The following ARSG variants were observed in gnomAD, a reference collection of about 807,000 sequenced individuals.
ARSG encodes the protein arylsulfatase G, also known as ASG.
In ARSG, 37 loss-of-function variants were observed where a neutral mutation model predicts 50.5. The observed-to-expected ratio is 0.73, with a 90% CI of 0.56 to 0.96. ARSG has a LOEUF of 0.96. ARSG is among the 50% of genes least tolerant of loss of function. The pLI, the probability that ARSG is intolerant of heterozygous loss-of-function variation, is 0.00. For synonymous variants in ARSG, 225 were observed against 254.6 expected, an observed-to-expected ratio of 0.88 and a Z score of 1.11; for missense variants, 629 against 675.3, an observed-to-expected ratio of 0.93 and a Z score of 0.76.
intron 11 of ARSG, among the ~76,000 whole-genome samples, chr17:68,410,545 T>C (rs1400662270): frequency 6.6e-6 from 1 of 151,734 alleles, no homozygotes; most frequent in Non-Finnish European, 1.5e-5. Flanking sequence ...TTGAGGATTT[T>C]TGCATCAATG....
At chr17:68,375,738 G>A (rs568792504) in intron 8 of ARSG, among the ~76,000 whole-genome samples, 3 of 152,102 alleles carry the variant, frequency 2.0e-5, no homozygotes, top group African/African-American at 4.8e-5. Flanking sequence ...GGCTCTGGGC[G>A]AGGGCAGCAG....
At chr17:68,435,704 G>A in the ARSG span, 1 of 1,614,216 alleles carries the variant, frequency 6.2e-7, no homozygotes, top group Non-Finnish European at 8.5e-7. Flanking sequence ...CAATAGTGCA[G>A]ACTGTTTTCT....
At chr17:68,445,774 T>A in the ARSG span, among the ~76,000 whole-genome samples, 84 of 152,294 alleles carry the variant, frequency 5.5e-4, 2 homozygotes, top group African/African-American at 2.0e-3. Context: ...CAGGAAGGCA[T>A]TTCTGGTTGG....
the ARSG span, among the ~76,000 whole-genome samples, chr17:68,438,875 C>T: frequency 1.3e-4 from 20 of 152,248 alleles, no homozygotes; most frequent in Admixed American, 5.9e-4. Flanking sequence ...GCTGGGATTA[C>T]AGGCGTGAGC....
chr17:68,336,295 C>T (rs980816466), intron 2 of ARSG, among the ~76,000 whole-genome samples: 2 of 149,930 alleles, frequency 1.3e-5, no homozygotes, highest in African/African-American at 2.5e-5. Flanking sequence ...CTGCAACCTC[C>T]TTCTCCCAGA....
chr17:68,306,636 G>A (rs2076620265), intron 1 of ARSG, among the ~76,000 whole-genome samples: 2 of 152,198 alleles, frequency 1.3e-5, no homozygotes, highest in Non-Finnish European at 2.9e-5. Flanking sequence ...GTGGCACACT[G>A]GGATTTAGCA....
intron 1 of ARSG, among the ~76,000 whole-genome samples, chr17:68,264,086 G>A (rs782045960): frequency 5.9e-5 from 9 of 152,076 alleles, no homozygotes; most frequent in Non-Finnish European, 8.8e-5. Flanking sequence ...TCGAACTCCT[G>A]ACCTCAAGTG....
At chr17:68,267,597 G>T (rs1367188045) in intron 1 of ARSG, 1 of 152,200 alleles carries the variant, frequency 6.6e-6, no homozygotes, top group Non-Finnish European at 1.5e-5. Context: ...CATTAACGAT[G>T]AATAAAGATG....
At chr17:68,352,344 G>GAA (rs33948326) in intron 5 of ARSG, among the ~76,000 whole-genome samples, 120 of 141,976 alleles carry the variant, frequency 8.5e-4, no homozygotes, top group African/African-American at 3.0e-3. Context: ...AATAGTAAGT[G>GAA]AAAAAAAAAA....
At chr17:68,424,377 G>C, downstream of ARSG, 7 of 521,368 alleles carry the variant, frequency 1.3e-5, no homozygotes, top group Non-Finnish European at 2.4e-5. Context: ...TGTTTTCTAA[G>C]CCAAATGTGC....
intron 5 of ARSG, among the ~76,000 whole-genome samples, chr17:68,352,084 C>CAGAGGAGAGAGAGAGAGAGAGAGAGAG (rs2078795999): frequency 2.4e-5 from 2 of 84,654 alleles, no homozygotes; most frequent in African/African-American, 5.0e-5. Flanking sequence ...GAGAGAGAGA[C>CAGAGGAGAGAGAGAGAGAGAGAGAGAG]AGAGGAGAGA....
At chr17:68,274,202 A>C in intron 1 of ARSG, 2 of 924,712 alleles carry the variant, frequency 2.2e-6, no homozygotes, top group African/African-American at 1.7e-5. Flanking sequence ...GCAGTGGCTC[A>C]TGCCTGTAAT....
intron 5 of ARSG, 65 bp downstream of exon 5, chr17:68,351,751 A>G (rs964201585): frequency 1.9e-6 from 2 of 1,054,086 alleles, no homozygotes; most frequent in African/African-American, 3.1e-5. Context: ...ACTGTGGTCC[A>G]TCAGCAATAA....
intron 5 of ARSG, among the ~76,000 whole-genome samples, chr17:68,356,344 T>C (rs1460008038): frequency 1.3e-5 from 2 of 152,212 alleles, no homozygotes; most frequent in African/African-American, 4.8e-5. Flanking sequence ...GGGACTCTGC[T>C]TGACATCATT....
intron 8 of ARSG, among the ~76,000 whole-genome samples, chr17:68,380,628 A>G (rs764055103): frequency 3.9e-5 from 6 of 152,192 alleles, no homozygotes; most frequent in Admixed American, 6.5e-5. Context: ...TCTACAGTAT[A>G]TAATACATGT....
chr17:68,433,876 G>A, the ARSG span, among the ~76,000 whole-genome samples: 7,270 of 140,896 alleles, frequency 0.052, 266 homozygotes, highest in Non-Finnish European at 0.075. Flanking sequence ...TCTACCTCCT[G>A]GGTTCAAGCG....
rs1555748545 is a variant in ARSG at position 68,271,200 on chromosome 17, A to G, written c.-552+11774A>G. ...CGCGGTCCTGGTCAATGCCCAGACT[A>G]ATGCCCAGAGGAATGATGTACAAGG... On this transcript the variant is annotated intron_variant, in intron 1 of 11. Coordinates refer to the ARSG transcript ENST00000448504. This position sits in a 1 kb window ranked among gnomAD's most constrained non-coding sequence, Gnocchi z 5.3. 2 of 1,614,114 alleles carry G rather than the reference A, an allele frequency of 1.2e-6. No individual in the cohort carries two copies. Among genetic ancestry groups the G allele is most frequent in the South Asian group, 2.2e-5 (2 of 91,090 alleles).
intron 1 of ARSG, among the ~76,000 whole-genome samples, chr17:68,282,799 A>AAAAAAAAAAAAAAAAAAAAAC: frequency 6.7e-6 from 1 of 148,324 alleles, no homozygotes; most frequent in African/African-American, 2.5e-5. Flanking sequence ...AAAAAAAAAA[A>AAAAAAAAAAAAAAAAAAAAAC]AGGCCAGGTG....
chr17:68,402,240 G>A (rs2081502792), intron 11 of ARSG, among the ~76,000 whole-genome samples: 1 of 151,052 alleles, frequency 6.6e-6, no homozygotes, highest in Non-Finnish European at 1.5e-5. Flanking sequence ...GTTTGTTGTT[G>A]TTGTTGTTTG....
Sources: gnomAD v4.1 joint callset for allele counts (sites outside exome capture counted in the v4.1 genomes callset) on GRCh38, gnomAD v4.1.1 for gene constraint, Gnocchi (gnomAD v3.1) non-coding constraint, MANE v1.5 for transcripts, NCBI Gene and HGNC (gene_info 2026-07-23, HGNC 2026-07-21) for gene names.